Variants in PRR11 observed in about 807,000 individuals in gnomAD.
The protein encoded by PRR11 is proline-rich protein 11.
In PRR11, 30 loss-of-function variants were observed where a neutral mutation model predicts 45.6. The observed-to-expected ratio is 0.66, with a 90% CI of 0.49 to 0.89. The LOEUF is 0.89. PRR11 is among the 40% of genes least tolerant of loss of function. The probability of loss-of-function intolerance (pLI) is 0.00; values close to 1 mark genes in which losing one functional copy is unlikely to be tolerated. For missense variants in PRR11, 373 were observed against 424.8 expected (o/e 0.88, Z 1.07); for synonymous variants, 128 against 153.5 (o/e 0.83, Z 1.23).
intron 2 of PRR11, among the ~76,000 whole-genome samples, chr17:59,177,408 G>T (rs560042438): frequency 5.9e-5 from 9 of 152,270 alleles, no homozygotes; most frequent in Non-Finnish European, 7.4e-5. Flanking sequence ...TTGCGGGGTG[G>T]TGGGGTATTT....
intron 1 of PRR11, among the ~76,000 whole-genome samples, chr17:59,164,874 G>T: frequency 6.7e-6 from 1 of 148,952 alleles, no homozygotes. Flanking sequence ...GCAAGACCGT[G>T]TCTCAAAAAA....
chr17:59,162,213 G>GACACACACAC (rs58983044), intron 1 of PRR11, among the ~76,000 whole-genome samples: 111 of 139,582 alleles, frequency 8.0e-4, no homozygotes, highest in African/African-American at 2.7e-3. Flanking sequence ...ACCCAAGTCA[G>GACACACACAC]ACACACACAC....
At position 59,171,085 on chromosome 17, in the gene PRR11, C is replaced by T. The variant is rs1240698709; in HGVS notation, c.128+1205C>T. Among the ~76,000 whole-genome samples the T allele has an allele frequency of 2.6e-5, 4 of 151,930 alleles. No homozygotes were observed. The East Asian group carries it at 7.7e-4, about 29-fold the overall frequency. On this transcript the variant is annotated intron_variant, in intron 2 of 9. Coordinates refer to ENST00000262293, the MANE Select transcript of PRR11 (RefSeq NM_018304.4). ...CCATCCTGGCTAACACGGTGAAACCCCGTCTCTACTAAAAATACAAAAAAA... is the reference window on the plus strand; with the variant it reads ...CCATCCTGGCTAACACGGTGAAACCTCGTCTCTACTAAAAATACAAAAAAA...
At chr17:59,176,673 G>GT (rs1316001197) in intron 2 of PRR11, among the ~76,000 whole-genome samples, 73 of 117,346 alleles carry the variant, frequency 6.2e-4, no homozygotes, top group African/African-American at 2.5e-3. Context: ...GTTGGAATTT[G>GT]GTTTTTTTGG....
At chr17:59,181,268 G>A (rs1425252581) in intron 2 of PRR11, among the ~76,000 whole-genome samples, 5 of 151,628 alleles carry the variant, frequency 3.3e-5, no homozygotes, top group Non-Finnish European at 5.9e-5. Flanking sequence ...GATTACAGAC[G>A]TGAGCCACAG....
intron 9 of PRR11, among the ~76,000 whole-genome samples, chr17:59,201,358 C>CAAAT (rs1309393551): frequency 1.3e-5 from 2 of 152,130 alleles, no homozygotes; most frequent in Non-Finnish European, 2.9e-5. Context: ...AGGAGAAAGG[C>CAAAT]AAATGTTAAT....
chr17:59,175,469 T>C (rs1460764270), intron 2 of PRR11, among the ~76,000 whole-genome samples: 5 of 151,936 alleles, frequency 3.3e-5, no homozygotes, highest in Non-Finnish European at 7.4e-5. Flanking sequence ...CTATAAAAAA[T>C]GTAAAAGACA....
At chr17:59,182,840 C>T (rs546893426) in intron 2 of PRR11, among the ~76,000 whole-genome samples, 13 of 152,284 alleles carry the variant, frequency 8.5e-5, no homozygotes, top group African/African-American at 1.2e-4. Context: ...CCTGGGGGTG[C>T]GGTTGATGGC....
intron 1 of PRR11, among the ~76,000 whole-genome samples, chr17:59,156,913 C>T (rs2046627675): frequency 2.0e-5 from 3 of 152,218 alleles, no homozygotes; most frequent in African/African-American, 7.2e-5. Context: ...AGGCGTGAGC[C>T]ACCACGCTCG....
chr17:59,185,654 A>G (rs930131962), intron 4 of PRR11, 92 bp downstream of exon 4: 2 of 1,141,710 alleles, frequency 1.8e-6, no homozygotes, highest in African/African-American at 1.6e-5. Flanking sequence ...TGCTCAAGTC[A>G]TAAGATTTAT....
chr17:59,157,034 G>A (rs2046628801), intron 1 of PRR11, among the ~76,000 whole-genome samples: 1 of 152,178 alleles, frequency 6.6e-6, no homozygotes, highest in South Asian at 2.1e-4. Flanking sequence ...CTTCCTATTG[G>A]AAAATAGCTT....
Position 59,206,051 on chromosome 17 carries a change from A to C in PRR11, c.*4420A>C, listed in dbSNP as rs1418468494. On this transcript the variant is annotated 3_prime_UTR_variant, in exon 10 of 10. Coordinates refer to ENST00000262293, the MANE Select transcript of PRR11 (RefSeq NM_018304.4). Reference sequence around the variant, plus strand: ...GGGCAACAGAGTGAGACCTTGTCTCAAAAAAAAAAGAAAGAAAAAGAAAAA... The same window carrying C: ...GGGCAACAGAGTGAGACCTTGTCTCCAAAAAAAAAGAAAGAAAAAGAAAAA... Among the ~76,000 whole-genome samples, 1 of 148,300 alleles carries C rather than the reference A, an allele frequency of 6.7e-6. No individual in the cohort carries two copies. The highest frequency in any genetic ancestry group is 1.5e-5 in the Non-Finnish European group (1 of 66,836).
Position 59,197,730 on chromosome 17 carries a change from A to G in PRR11, c.955A>G (p.Met319Val), listed in dbSNP as rs537709037. The G allele has an allele frequency of 3.8e-5, 61 of 1,614,092 alleles. No individual in the cohort carries two copies. The East Asian group carries it at 1.3e-3, about 34-fold the overall frequency. The change falls in exon 9 of 10, where the codon ATG (methionine) becomes GTG (valine). Residue 319 changes from methionine (M) to valine (V), a missense_variant. By Grantham distance (21) the Met-to-Val change is conservative. Coordinates refer to ENST00000262293, the MANE Select transcript of PRR11 (RefSeq NM_018304.4). ...GGTPLTNKENMETGTGLTPVM... is the reference protein window; with the variant it reads ...GGTPLTNKENVETGTGLTPVM... The stretch of plus-strand genomic sequence containing the variant: ...AACCCCTCTTACCAATAAGGAAAAT[A>G]TGGAAACAGGAACAGGACTGACTCC...
intron 2 of PRR11, chr17:59,179,760 G>T: frequency 7.2e-7 from 1 of 1,388,930 alleles, no homozygotes; most frequent in Non-Finnish European, 1.0e-6. Context: ...GTCTCCTCAG[G>T]CTCAGGGGCG....
At chr17:59,156,109 C>T (rs1203405828) in intron 1 of PRR11, among the ~76,000 whole-genome samples, 2 of 152,172 alleles carry the variant, frequency 1.3e-5, no homozygotes, top group African/African-American at 2.4e-5. Context: ...CAGCGGCATC[C>T]GCATCTCTTG....
chr17:59,176,495 G>A (rs543240754), intron 2 of PRR11, among the ~76,000 whole-genome samples: 4 of 152,112 alleles, frequency 2.6e-5, no homozygotes, highest in South Asian at 2.1e-4. Flanking sequence ...ATGGGAACCC[G>A]GAGGAGGTCG....
At chr17:59,168,408 G>A (rs2046690167) in intron 1 of PRR11, among the ~76,000 whole-genome samples, 3 of 152,128 alleles carry the variant, frequency 2.0e-5, no homozygotes, top group Admixed American at 2.0e-4. Context: ...GGCCTCGAGT[G>A]ATCTGCCCAC....
intron 2 of PRR11, among the ~76,000 whole-genome samples, chr17:59,180,510 G>GTTTTTTTTTTTTTTTTTTTTTTTT (rs1555716481): frequency 4.6e-5 from 5 of 108,628 alleles, no homozygotes; most frequent in South Asian, 3.1e-4. Context: ...TTTTTTTTTT[G>GTTTTTTTTTTTTTTTTTTTTTTTT]TTTTTTTTGT....
At chr17:59,175,806 G>A (rs1255624265) in intron 2 of PRR11, among the ~76,000 whole-genome samples, 1 of 152,190 alleles carries the variant, frequency 6.6e-6, no homozygotes, top group Admixed American at 6.5e-5. Context: ...TAATCCGGAG[G>A]CTGAGGTGGG....
Sources: gnomAD v4.1 joint callset for allele counts (sites outside exome capture counted in the v4.1 genomes callset) on GRCh38, gnomAD v4.1.1 for gene constraint, MANE v1.5 for transcripts, NCBI Gene and HGNC (gene_info 2026-07-23, HGNC 2026-07-21) for gene names.